Variants in SGCZ observed in about 807,000 individuals in gnomAD.
SGCZ encodes the protein zeta-sarcoglycan.
A neutral mutation model predicts 41.3 loss-of-function variants in SGCZ; 40 were observed. The ratio of observed to expected loss-of-function variants is 0.97; its 90% confidence interval spans 0.75 to 1.26. The LOEUF is 1.26. Among genes scored for constraint, SGCZ ranks in the 50% most tolerant of loss-of-function variants. SGCZ has a pLI of 0.00. For missense variants in SGCZ, 552 were observed against 369.8 expected (o/e 1.49, Z -4.04); for synonymous variants, 206 against 137.5 (o/e 1.50, Z -3.49).
rs866681131 is a variant in SGCZ at position 14,552,380 on chromosome 8, T to A, written c.234+2352A>T. On this transcript the variant is annotated intron_variant, in intron 2 of 7. Transcript: ENST00000382080. ...TTACAAAGAGTGTGTCACCTTACAG[T>A]GTGATACATTCCTGAAAACTTCATC... 3.9e-5 allele frequency among the ~76,000 whole-genome samples: 6 copies of A among 152,060 alleles called. No homozygotes were observed. In the South Asian group the frequency reaches 6.2e-4, roughly 16 times the overall value.
intron 1 of SGCZ, among the ~76,000 whole-genome samples, chr8:15,025,602 T>G (rs912415078): frequency 2.6e-5 from 4 of 152,186 alleles, no homozygotes; most frequent in African/African-American, 9.7e-5. Context: ...AGTGATTTGA[T>G]GACAACCAAC....
chr8:14,331,725 CAG>C lies in SGCZ; in HGVS notation c.235-7523_235-7522del, dbSNP rs1491289665. ...TCAAATTTCATAATTTATGTACCTT[CAG>C]TTGTCAGGGTTATAAAAGAAAGTTT... On this transcript the variant is annotated intron_variant, in intron 2 of 7. Transcript: ENST00000382080. Among the ~76,000 whole-genome samples, 18 of 152,006 alleles carry C rather than the reference CAG, an allele frequency of 1.2e-4. No individual in the cohort carries two copies. In the East Asian group the frequency reaches 3.1e-3, roughly 26 times the overall value.
chr8:15,182,217 G>T (rs1346819956), intron 1 of SGCZ, among the ~76,000 whole-genome samples: 1 of 151,974 alleles, frequency 6.6e-6, no homozygotes, highest in Non-Finnish European at 1.5e-5. Context: ...TAATTCTTAG[G>T]TTAACTGACC....
chr8:15,102,250 G>C (rs185725783), intron 1 of SGCZ, among the ~76,000 whole-genome samples: 1 of 152,268 alleles, frequency 6.6e-6, no homozygotes, highest in Non-Finnish European at 1.5e-5. Flanking sequence ...AGCCATGGAA[G>C]GTCATGGAGG....
rs552296449 is a variant in SGCZ at position 15,033,952 on chromosome 8, G to T, written c.39+203633C>A. 1.1e-4 allele frequency among the ~76,000 whole-genome samples: 17 copies of T among 152,322 alleles called. No individual in the cohort carries two copies. In the South Asian group the frequency reaches 3.5e-3, roughly 32 times the overall value. ...TCCTCAGAATCTCTGCATGGGCTAAGTGGTCAAGGATTTTTCCAGACAAAG... is the reference window on the plus strand; with the variant it reads ...TCCTCAGAATCTCTGCATGGGCTAATTGGTCAAGGATTTTTCCAGACAAAG... On this transcript the variant is annotated intron_variant, in intron 1 of 7. Coordinates refer to ENST00000382080, the MANE Select transcript of SGCZ (RefSeq NM_139167.4).
intron 1 of SGCZ, among the ~76,000 whole-genome samples, chr8:15,161,317 T>G (rs1799506966): frequency 6.6e-6 from 1 of 152,198 alleles, no homozygotes; most frequent in Non-Finnish European, 1.5e-5. Flanking sequence ...GTAACCATAT[T>G]TAAAATTTCA....
intron 2 of SGCZ, among the ~76,000 whole-genome samples, chr8:14,367,363 T>G (rs1393665632): frequency 6.6e-6 from 1 of 152,072 alleles, no homozygotes. Context: ...TTCTGAGCCC[T>G]CCAAACTGTT....
intron 2 of SGCZ, among the ~76,000 whole-genome samples, chr8:14,374,467 T>C (rs114059357): frequency 0.014 from 2,196 of 152,066 alleles, 50 homozygotes; most frequent in African/African-American, 0.049. Flanking sequence ...TCTTAACTAA[T>C]TGAATTTTTT....
At chr8:14,636,231 G>C (rs1806825034) in intron 1 of SGCZ, among the ~76,000 whole-genome samples, 2 of 151,838 alleles carry the variant, frequency 1.3e-5, no homozygotes, top group South Asian at 2.1e-4. Flanking sequence ...GAAGCTGGTA[G>C]TGATCTTAAG....
At chr8:14,111,509 A>T (rs1177983487) in intron 5 of SGCZ, among the ~76,000 whole-genome samples, 2 of 152,236 alleles carry the variant, frequency 1.3e-5, no homozygotes, top group South Asian at 4.1e-4. Flanking sequence ...ATTAATATGT[A>T]TATGTAAACT....
chr8:14,594,744 T>C lies in SGCZ; in HGVS notation c.40-39818A>G, dbSNP rs868166602. Among the ~76,000 whole-genome samples the C allele has an allele frequency of 3.3e-5, 5 of 152,072 alleles. No homozygotes were observed. The South Asian group carries it at 8.3e-4, about 25-fold the overall frequency. ...GTTGGGGGTGTCTTGCATATGTGTG[T>C]GCTTGTGTGTGTAAATACTATTACG... is the stretch of plus-strand genomic sequence containing the variant. On this transcript the variant is annotated intron_variant, in intron 1 of 7. Coordinates refer to ENST00000382080, the MANE Select transcript of SGCZ (RefSeq NM_139167.4).
chr8:14,827,421 G>C (rs998485329), intron 1 of SGCZ, among the ~76,000 whole-genome samples: 1 of 151,880 alleles, frequency 6.6e-6, no homozygotes, highest in African/African-American at 2.4e-5. Flanking sequence ...GTTTTTAGTA[G>C]AGACAGGGTT....
chr8:14,137,362 CA>C (rs1296237918), intron 5 of SGCZ, among the ~76,000 whole-genome samples: 1 of 152,186 alleles, frequency 6.6e-6, no homozygotes, highest in East Asian at 1.9e-4. Flanking sequence ...TTCAGAAGAT[CA>C]GTAATAACAA....
At chr8:14,353,469 G>C (rs924766972) in intron 2 of SGCZ, among the ~76,000 whole-genome samples, 5 of 151,952 alleles carry the variant, frequency 3.3e-5, no homozygotes, top group African/African-American at 1.2e-4. Flanking sequence ...CCACTGGACA[G>C]CTCCACTCTG....
intron 1 of SGCZ, among the ~76,000 whole-genome samples, chr8:15,022,588 C>T (rs1193802390): frequency 1.3e-5 from 2 of 152,208 alleles, no homozygotes; most frequent in African/African-American, 2.4e-5. Flanking sequence ...ATGATGCACC[C>T]GCCTCGGCCT....
At chr8:15,005,367 T>C (rs950286030) in intron 1 of SGCZ, among the ~76,000 whole-genome samples, 2 of 145,442 alleles carry the variant, frequency 1.4e-5, no homozygotes, top group African/African-American at 2.5e-5. Flanking sequence ...GTTTCATTCT[T>C]GTTGCCCAGG....
intron 2 of SGCZ, among the ~76,000 whole-genome samples, chr8:14,454,130 C>T (rs1473309193): frequency 1.3e-5 from 2 of 152,254 alleles, no homozygotes; most frequent in Non-Finnish European, 2.9e-5. Context: ...TCTGGATGGC[C>T]TTAATGCACC....
At chr8:14,850,097 A>C (rs1051720061) in intron 1 of SGCZ, among the ~76,000 whole-genome samples, 12 of 152,304 alleles carry the variant, frequency 7.9e-5, no homozygotes, top group African/African-American at 2.6e-4. Flanking sequence ...ATGACCAAAG[A>C]AAAAAATTTA....
At chr8:14,779,517 T>G (rs2130428915) in intron 1 of SGCZ, among the ~76,000 whole-genome samples, 1 of 152,326 alleles carries the variant, frequency 6.6e-6, no homozygotes, top group South Asian at 2.1e-4. Flanking sequence ...GCTTCCAAAT[T>G]TTTGATCTAC....
Sources: allele counts gnomAD v4.1 joint callset (sites outside exome capture counted in the v4.1 genomes callset), GRCh38; gene constraint gnomAD v4.1.1; transcripts MANE v1.5; gene names NCBI Gene and HGNC (gene_info 2026-07-23, HGNC 2026-07-21).